Variants in PITPNC1 observed in about 807,000 individuals in gnomAD.
PITPNC1 encodes the protein cytoplasmic phosphatidylinositol transfer protein 1.
Under a neutral mutation model 44.7 loss-of-function variants are expected in PITPNC1, and 18 were observed. The observed-to-expected ratio is 0.40, with a 90% CI of 0.28 to 0.60. PITPNC1 has a LOEUF of 0.60. Among genes scored for constraint, PITPNC1 ranks in the 20% least tolerant of loss-of-function variants. PITPNC1 has a pLI of 0.39. For synonymous variants in PITPNC1, 141 were observed against 149.6 expected (o/e 0.94, Z 0.42); for missense variants, 290 against 418.4 (o/e 0.69, Z 2.68).
At chr17:67,659,413 A>G (rs777173168) in intron 6 of PITPNC1, among the ~76,000 whole-genome samples, 1 of 152,206 alleles carries the variant, frequency 6.6e-6, no homozygotes, top group Admixed American at 6.5e-5. Flanking sequence ...ATGTTGCCAC[A>G]TGGTCTCACC....
chr17:67,677,305 A>G (rs2042620413), intron 8 of PITPNC1, among the ~76,000 whole-genome samples: 1 of 152,214 alleles, frequency 6.6e-6, no homozygotes, highest in African/African-American at 2.4e-5. Context: ...CTGAAGGGCC[A>G]AAAATCTGCC....
At chr17:67,650,018 T>C (rs1172952086) in intron 6 of PITPNC1, among the ~76,000 whole-genome samples, 1 of 152,028 alleles carries the variant, frequency 6.6e-6, no homozygotes, top group Non-Finnish European at 1.5e-5. Context: ...TCCCTAGAGG[T>C]CAGTGGATGG....
intron 2 of PITPNC1, among the ~76,000 whole-genome samples, chr17:67,540,296 T>C (rs2040589421): frequency 6.6e-6 from 1 of 151,846 alleles, no homozygotes; most frequent in African/African-American, 2.4e-5. Context: ...GTAGAGACGG[T>C]GTTTCACCAT....
intron 4 of PITPNC1, 175 bp from the exon 5 acceptor site, chr17:67,578,011 T>C: frequency 1.5e-6 from 1 of 658,944 alleles, no homozygotes; most frequent in Non-Finnish European, 2.8e-6. Flanking sequence ...ACTGTGTTCA[T>C]TGTCCTAAAG....
rs184693591 is a variant in PITPNC1, at chr17:67,436,295, T to C, written c.48+58093T>C. Among the ~76,000 whole-genome samples the C allele has an allele frequency of 2.4e-3, 362 of 152,196 alleles. 4 individuals are homozygous for C. The highest frequency in any genetic ancestry group is 8.4e-3 in the African/African-American group (351 of 41,540). On this transcript the variant is annotated intron_variant, in intron 1 of 8. Transcript: ENST00000581322. ...TTGGGATTACAGGCCTGAGCCACCG[T>C]GTCTGGCTGGGGGTGCTATTTTAAA...
intron 6 of PITPNC1, among the ~76,000 whole-genome samples, chr17:67,662,978 T>G (rs1434678330): frequency 6.6e-6 from 1 of 152,204 alleles, no homozygotes; most frequent in Non-Finnish European, 1.5e-5. Flanking sequence ...CTTTTGTGAA[T>G]AGCACAGTGA....
chr17:67,606,186 A>G (rs1164557241), intron 5 of PITPNC1, among the ~76,000 whole-genome samples: 3 of 152,244 alleles, frequency 2.0e-5, no homozygotes, highest in Non-Finnish European at 2.9e-5. Context: ...TTGGTTGAAA[A>G]AAAGTCTTCA....
chr17:67,656,639 A>ACGT, intron 6 of PITPNC1, among the ~76,000 whole-genome samples: 1 of 152,298 alleles, frequency 6.6e-6, no homozygotes, highest in South Asian at 2.1e-4. Flanking sequence ...CAGGGGTTTC[A>ACGT]AGACACGTAA....
At chr17:67,450,688 G>A (rs1453926506) in intron 1 of PITPNC1, among the ~76,000 whole-genome samples, 1 of 152,150 alleles carries the variant, frequency 6.6e-6, no homozygotes, top group Non-Finnish European at 1.5e-5. Flanking sequence ...CAGACTCCCA[G>A]AGTGCTGGGA....
intron 1 of PITPNC1, among the ~76,000 whole-genome samples, chr17:67,395,951 C>T (rs1472577963): frequency 6.6e-6 from 1 of 152,182 alleles, no homozygotes; most frequent in Non-Finnish European, 1.5e-5. Context: ...CATGAAGAAG[C>T]ATCATGTTCA....
intron 8 of PITPNC1, among the ~76,000 whole-genome samples, 156 bp from the exon 9 acceptor site, chr17:67,692,416 G>C (rs1445325847): frequency 6.6e-6 from 1 of 152,120 alleles, no homozygotes; most frequent in Non-Finnish European, 1.5e-5. Flanking sequence ...AAAAAATTGG[G>C]GGTTTGGTAT....
intron 5 of PITPNC1, among the ~76,000 whole-genome samples, chr17:67,616,520 G>A (rs927291648): frequency 2.0e-5 from 3 of 151,962 alleles, no homozygotes; most frequent in African/African-American, 7.3e-5. Context: ...TTTTCTCATC[G>A]GTCACTGTAT....
intron 5 of PITPNC1, among the ~76,000 whole-genome samples, chr17:67,586,016 C>G (rs1312858851): frequency 6.6e-6 from 1 of 152,144 alleles, no homozygotes; most frequent in South Asian, 2.1e-4. Context: ...ACCCCACAAA[C>G]TAATGCAGGG....
intron 5 of PITPNC1, among the ~76,000 whole-genome samples, chr17:67,609,539 C>T (rs1420587594): frequency 2.6e-5 from 4 of 152,068 alleles, no homozygotes; most frequent in Non-Finnish European, 4.4e-5. Flanking sequence ...ATCCGCCCAC[C>T]TCAGACTCCC....
At chr17:67,675,619 G>T in intron 8 of PITPNC1, 77 bp downstream of exon 8, 1 of 970,476 alleles carries the variant, frequency 1.0e-6, no homozygotes, top group Non-Finnish European at 1.7e-6. Flanking sequence ...GGCTTCAACT[G>T]CTACCTAGAA....
intron 1 of PITPNC1, among the ~76,000 whole-genome samples, chr17:67,419,727 G>A (rs769458938): frequency 3.3e-5 from 5 of 152,172 alleles, no homozygotes; most frequent in Non-Finnish European, 7.3e-5. Flanking sequence ...CCAACATGGC[G>A]AAACCCCGTC....
At position 67,462,225 on chromosome 17, in the gene PITPNC1, C is replaced by CTTTTTTT. The variant is rs549707875; in HGVS notation, c.49-70561_49-70555dup. On this transcript the variant is annotated intron_variant, in intron 1 of 8. Coordinates refer to ENST00000581322, the MANE Select transcript of PITPNC1 (RefSeq NM_012417.4). Reference sequence around the variant, plus strand: ...CTTTTCTTTTTCTCTTTCTTTCTTTCTTTTTTTTTTTTTTTTTTTTTTCTG... The same window carrying CTTTTTTT: ...CTTTTCTTTTTCTCTTTCTTTCTTTCTTTTTTTTTTTTTTTTTTTTTTTTTTTTTCTG... Among the ~76,000 whole-genome samples the CTTTTTTT allele has an allele frequency of 3.4e-3, 239 of 71,248 alleles. 3 individuals are homozygous for CTTTTTTT. Among genetic ancestry groups the CTTTTTTT allele is most frequent in the Non-Finnish European group, 4.7e-3 (186 of 39,424 alleles). The allele number at this position is 71,248 out of a possible 152,430, so 46.7% of individuals were successfully genotyped here.
At chr17:67,528,994 T>G (rs942835810) in intron 1 of PITPNC1, among the ~76,000 whole-genome samples, 7 of 152,072 alleles carry the variant, frequency 4.6e-5, no homozygotes, top group Admixed American at 4.6e-4. Flanking sequence ...GGGGAAGAAG[T>G]GACGGCTGCA....
intron 1 of PITPNC1, among the ~76,000 whole-genome samples, chr17:67,438,606 G>C (rs997240305): frequency 6.6e-6 from 1 of 152,206 alleles, no homozygotes; most frequent in Non-Finnish European, 1.5e-5. Context: ...GTGAGCCACC[G>C]TGCCCAGCTG....
Sources: allele counts gnomAD v4.1 joint callset (sites outside exome capture counted in the v4.1 genomes callset), GRCh38; gene constraint gnomAD v4.1.1; transcripts MANE v1.5; gene names NCBI Gene and HGNC (gene_info 2026-07-23, HGNC 2026-07-21).